THSD4: variants seen among roughly 807,000 people sequenced by gnomAD.
THSD4 encodes the protein thrombospondin type 1 domain containing 4, also known as thrombospondin type-1 domain-containing protein 4.
A neutral mutation model predicts 119.0 loss-of-function variants in THSD4; 69 were observed. That is an observed-to-expected ratio of 0.58 (90% confidence interval 0.48 to 0.71). THSD4 has a LOEUF of 0.71. Among genes scored for constraint, THSD4 ranks in the 30% least tolerant of loss-of-function variants. THSD4 has a pLI of 0.00. For missense variants in THSD4, 1,393 were observed against 1,391.1 expected, an observed-to-expected ratio of 1.00 and a Z score of -0.02; for synonymous variants, 524 against 540.4, an observed-to-expected ratio of 0.97 and a Z score of 0.42.
At chr15:71,181,628 C>A (rs2043529334) in intron 3 of THSD4, among the ~76,000 whole-genome samples, 1 of 152,240 alleles carries the variant, frequency 6.6e-6, no homozygotes, top group Admixed American at 6.5e-5. Context: ...GACTTCTCCA[C>A]TGTGGACAGA....
chr15:71,550,789 T>C (rs985757931), intron 7 of THSD4, among the ~76,000 whole-genome samples: 7 of 152,204 alleles, frequency 4.6e-5, no homozygotes, highest in Non-Finnish European at 8.8e-5. Context: ...ATATCTTAGC[T>C]GCTGATGGGT....
At chr15:71,160,543 G>C (rs150443335) in intron 3 of THSD4, among the ~76,000 whole-genome samples, 50 of 151,870 alleles carry the variant, frequency 3.3e-4, no homozygotes, top group African/African-American at 1.2e-3. Flanking sequence ...ATTTAATCTT[G>C]GTAGGTTGTA....
chr15:71,111,629 C>G (rs1273617139), upstream of THSD4: 5 of 582,762 alleles, frequency 8.6e-6, no homozygotes, highest in East Asian at 5.7e-5. Flanking sequence ...AGTTTACAAC[C>G]AGGAAAATGA....
intron 7 of THSD4, among the ~76,000 whole-genome samples, chr15:71,427,241 A>ACACTGGGCAAGG (rs11274760): frequency 0.21 from 31,308 of 149,598 alleles, 4,080 homozygotes; most frequent in African/African-American, 0.35. Context: ...TCACTGCCAT[A>ACACTGGGCAAGG]CACTGGGCAA....
chr15:71,099,411 G>C (rs1449084942), intron 1 of THSD4, among the ~76,000 whole-genome samples: 4 of 152,096 alleles, frequency 2.6e-5, no homozygotes, highest in African/African-American at 7.2e-5. Context: ...TCTCCATTCA[G>C]TTCTATCAGT....
At position 71,449,400 on chromosome 15, in the gene THSD4, G is replaced by T. The variant is rs181663578; in HGVS notation, c.1152+37577G>T. Among the ~76,000 whole-genome samples the T allele has an allele frequency of 7.9e-5, 12 of 152,216 alleles. No homozygotes were observed. The East Asian group carries it at 1.5e-3, about 20-fold the overall frequency. Reference sequence around the variant, plus strand: ...ACATGAGCTTTGGAGTCAGACTTGGGTTGCTGTCTGGGTTCCATCACCTAC... The same window carrying T: ...ACATGAGCTTTGGAGTCAGACTTGGTTTGCTGTCTGGGTTCCATCACCTAC... On this transcript the variant is annotated intron_variant, in intron 7 of 17. Coordinates refer to ENST00000261862, the MANE Select transcript of THSD4 (RefSeq NM_024817.3).
chr15:71,443,768 A>G (rs538130612), intron 7 of THSD4, among the ~76,000 whole-genome samples: 1 of 152,256 alleles, frequency 6.6e-6, no homozygotes, highest in Non-Finnish European at 1.5e-5. Context: ...TACAACATAC[A>G]TTGCTTCAGC....
Position 71,779,269 on chromosome 15 carries a change from TC to T in THSD4, c.*1898del, listed in dbSNP as rs1273307311. The T allele has an allele frequency of 6.6e-6, 1 of 152,124 alleles. No homozygotes were observed. Among genetic ancestry groups the T allele is most frequent in the East Asian group, 1.9e-4 (1 of 5,192 alleles). 9.4% of individuals were successfully genotyped at this position (152,124 alleles called of 1,614,324 possible). On this transcript the variant is annotated 3_prime_UTR_variant, in exon 18 of 18. Coordinates refer to ENST00000261862, the MANE Select transcript of THSD4 (RefSeq NM_024817.3). ...TAAGCATCCTGGCAGAGGCCCAGGC[TC>T]CCAAACCGACAAAGTGAAAAGAGAC... is the stretch of plus-strand genomic sequence containing the variant.
At chr15:71,147,216 T>C (rs937659757) in intron 2 of THSD4, among the ~76,000 whole-genome samples, 1 of 152,190 alleles carries the variant, frequency 6.6e-6, no homozygotes, top group Non-Finnish European at 1.5e-5. Flanking sequence ...TGAATTTTTA[T>C]TTTTTAGAGA....
intron 7 of THSD4, among the ~76,000 whole-genome samples, chr15:71,634,330 A>G (rs1307764994): frequency 6.6e-6 from 1 of 152,228 alleles, no homozygotes; most frequent in Non-Finnish European, 1.5e-5. Context: ...CACTACAGTG[A>G]CAGGGAGGAT....
chr15:71,548,100 T>TTG (rs983077434), intron 7 of THSD4, among the ~76,000 whole-genome samples: 3 of 151,058 alleles, frequency 2.0e-5, no homozygotes, highest in Non-Finnish European at 2.9e-5. Context: ...GGGTACAGTT[T>TTG]TTTTTTTTTT....
intron 7 of THSD4, among the ~76,000 whole-genome samples, chr15:71,425,524 C>A (rs914054832): frequency 2.6e-5 from 4 of 152,174 alleles, no homozygotes; most frequent in African/African-American, 9.6e-5. Context: ...AAGTCCCAAC[C>A]CTTCATCGTC....
chr15:71,246,420 C>T (rs1207780990), intron 5 of THSD4, among the ~76,000 whole-genome samples: 5 of 152,094 alleles, frequency 3.3e-5, no homozygotes, highest in Admixed American at 6.5e-5. Flanking sequence ...ACGTTAGCTG[C>T]GATTGAGGCT....
At chr15:71,464,980 A>G (rs1161404531) in intron 7 of THSD4, among the ~76,000 whole-genome samples, 1 of 152,174 alleles carries the variant, frequency 6.6e-6, no homozygotes, top group Non-Finnish European at 1.5e-5. Context: ...TAAGAAATGC[A>G]CATTTTAAAC....
At chr15:71,397,440 G>A (rs1269047089) in intron 6 of THSD4, among the ~76,000 whole-genome samples, 1 of 152,144 alleles carries the variant, frequency 6.6e-6, no homozygotes, top group African/African-American at 2.4e-5. Context: ...CTGAGTAAAC[G>A]AATCCATGAA....
intron 7 of THSD4, among the ~76,000 whole-genome samples, chr15:71,486,149 A>G (rs1389210473): frequency 6.6e-6 from 1 of 152,004 alleles, no homozygotes; most frequent in Non-Finnish European, 1.5e-5. Context: ...CCTCCCCTCT[A>G]TCTCAAAATA....
At chr15:71,549,349 T>C (rs1464929996) in intron 7 of THSD4, among the ~76,000 whole-genome samples, 1 of 152,106 alleles carries the variant, frequency 6.6e-6, no homozygotes, top group Non-Finnish European at 1.5e-5. Context: ...TCCCCTAGTG[T>C]GTGCATGTGT....
intron 6 of THSD4, among the ~76,000 whole-genome samples, chr15:71,306,390 C>CTA (rs772395797): frequency 6.8e-6 from 1 of 146,236 alleles, no homozygotes; most frequent in Non-Finnish European, 1.5e-5. Context: ...CAGTATCTTA[C>CTA]TAAACTATTT....
intron 6 of THSD4, among the ~76,000 whole-genome samples, chr15:71,263,061 C>T (rs1248367241): frequency 6.6e-6 from 1 of 151,806 alleles, no homozygotes; most frequent in Non-Finnish European, 1.5e-5. Context: ...TATTTCATCA[C>T]CCAGTTATTC....
Sources: allele counts gnomAD v4.1 joint callset (sites outside exome capture counted in the v4.1 genomes callset), GRCh38; gene constraint gnomAD v4.1.1; transcripts MANE v1.5; gene names NCBI Gene and HGNC (gene_info 2026-07-23, HGNC 2026-07-21).